Variants in SVIL observed in about 807,000 individuals in gnomAD.
SVIL encodes the protein supervillin, also known as archvillin.
Under a neutral mutation model 240.4 loss-of-function variants are expected in SVIL, and 101 were observed. The observed-to-expected ratio is 0.42, with a 90% confidence interval of 0.36 to 0.50. SVIL has a LOEUF of 0.50. Among genes scored for constraint, SVIL ranks in the 20% least tolerant of loss-of-function variants. The probability of loss-of-function intolerance (pLI) is 0.01; values close to 1 mark genes in which losing one functional copy is unlikely to be tolerated. For synonymous variants in SVIL, 999 were observed against 1,100.0 expected (o/e 0.91, Z 1.82); for missense variants, 2,512 against 2,818.7 (o/e 0.89, Z 2.46).
chr10:29,664,691 T>C lies in SVIL; in HGVS notation c.-300-6623A>G, dbSNP rs74989370. Among the ~76,000 whole-genome samples the C allele has an allele frequency of 4.4e-3, 667 of 150,370 alleles. 7 individuals carry two copies. The highest frequency in any genetic ancestry group is 0.012 in the East Asian group (62 of 5,102). On this transcript the variant is annotated intron_variant, in intron 2 of 35. Transcript: ENST00000375400. The stretch of plus-strand genomic sequence containing the variant: ...TTTCGTAATTTTATATATATATATA[T>C]ACACACACACACACACATGCACACA...
chr10:29,700,468 C>T (rs1384644344), intron 1 of SVIL, among the ~76,000 whole-genome samples: 3 of 113,110 alleles, frequency 2.7e-5, no homozygotes, highest in Admixed American at 1.1e-4. Context: ...TTACTATTTC[C>T]TTTTTTTTTT....
chr10:29,473,677 C>A, intron 30 of SVIL, 161 bp downstream of exon 30: 1 of 854,300 alleles, frequency 1.2e-6, no homozygotes, highest in East Asian at 2.7e-5. Flanking sequence ...ATGGGAGGCA[C>A]AGCCTGAGAC....
intron 3 of SVIL, chr10:29,657,901 T>A (rs1460814934): frequency 6.6e-6 from 1 of 152,192 alleles, no homozygotes; most frequent in Admixed American, 6.5e-5. Context: ...TAATCTCTTC[T>A]AACAGTGCAA....
chr10:29,688,479 G>C (rs1246228369), intron 1 of SVIL, among the ~76,000 whole-genome samples: 1 of 152,198 alleles, frequency 6.6e-6, no homozygotes, highest in South Asian at 2.1e-4. Context: ...CCCTGGGATC[G>C]CTATTTGCCC....
upstream of SVIL, among the ~76,000 whole-genome samples, chr10:29,635,512 T>C (rs1025107118): frequency 6.6e-6 from 1 of 152,190 alleles, no homozygotes; most frequent in African/African-American, 2.4e-5. Flanking sequence ...ACAAATATTT[T>C]CTCTTAAAGC....
rs1210727895 is a variant in SVIL, at chr10:29,694,620, CA to C, written c.-399-7970del. On this transcript the variant is annotated intron_variant, in intron 1 of 35. Coordinates refer to the SVIL transcript ENST00000375400. ...GATTACAGGTGTGTGCCATCATATC[CA>C]GCTAATTTTTGTATTTTCAGTAGAG... 5.9e-5 allele frequency among the ~76,000 whole-genome samples: 9 copies of C among 152,224 alleles called. 1 individual carries two copies. The highest frequency in any genetic ancestry group is 1.9e-4 in the African/African-American group (8 of 41,558).
chr10:29,640,652 A>G (rs923879636), intron 3 of SVIL, among the ~76,000 whole-genome samples: 22 of 152,098 alleles, frequency 1.4e-4, no homozygotes, highest in African/African-American at 4.6e-4. Context: ...CAACCTCCCC[A>G]TCGGCAACTT....
chr10:29,673,259 C>T (rs1406082647), intron 2 of SVIL, among the ~76,000 whole-genome samples: 1 of 152,062 alleles, frequency 6.6e-6, no homozygotes, highest in Non-Finnish European at 1.5e-5. Context: ...TAAATCTACA[C>T]TAGAAATATT....
intron 1 of SVIL, among the ~76,000 whole-genome samples, chr10:29,622,604 G>A (rs1957705373): frequency 6.6e-6 from 1 of 152,120 alleles, no homozygotes; most frequent in South Asian, 2.1e-4. Flanking sequence ...TCACAGCCCT[G>A]GTTCCCAGAG....
intron 12 of SVIL, among the ~76,000 whole-genome samples, chr10:29,528,590 T>C (rs1951107248): frequency 6.6e-6 from 1 of 151,618 alleles, no homozygotes; most frequent in African/African-American, 2.4e-5. Flanking sequence ...AATACAAAAA[T>C]TAGCCAGGTG....
intron 3 of SVIL, among the ~76,000 whole-genome samples, chr10:29,648,217 C>T (rs1299928064): frequency 1.3e-5 from 2 of 152,152 alleles, no homozygotes; most frequent in Non-Finnish European, 2.9e-5. Context: ...GTTACTTGTA[C>T]GTTTGCCCCT....
chr10:29,557,327 G>C (rs1344570109), intron 3 of SVIL, among the ~76,000 whole-genome samples: 1 of 152,082 alleles, frequency 6.6e-6, no homozygotes, highest in African/African-American at 2.4e-5. Flanking sequence ...TGAACTCCTA[G>C]GCTCAAGGGA....
intron 18 of SVIL, among the ~76,000 whole-genome samples, chr10:29,498,710 G>T (rs77264443): frequency 0.037 from 5,699 of 152,236 alleles, 365 homozygotes; most frequent in African/African-American, 0.13. Context: ...GCTGGGCATG[G>T]TGTCTCAAGC....
chr10:29,614,674 T>C (rs774247904), intron 1 of SVIL, among the ~76,000 whole-genome samples: 2 of 151,986 alleles, frequency 1.3e-5, no homozygotes, highest in Admixed American at 6.6e-5. Flanking sequence ...GATGGGGGCA[T>C]AGGGGAGGGA....
chr10:29,499,052 G>A (rs1948675112), intron 18 of SVIL, 64 bp downstream of exon 18: 2 of 1,576,534 alleles, frequency 1.3e-6, no homozygotes, highest in Admixed American at 3.6e-5. Context: ...TGCCCTCCAT[G>A]GGTAAGTGTG....
chr10:29,644,908 GTC>G (rs1209433979), intron 3 of SVIL, among the ~76,000 whole-genome samples: 1 of 151,924 alleles, frequency 6.6e-6, no homozygotes, highest in African/African-American at 2.4e-5. Flanking sequence ...TCTGACAGGA[GTC>G]AGCCTGTGGG....
At chr10:29,687,179 CT>C (rs1478078459) in intron 1 of SVIL, among the ~76,000 whole-genome samples, 1 of 152,196 alleles carries the variant, frequency 6.6e-6, no homozygotes, top group Non-Finnish European at 1.5e-5. Flanking sequence ...CTAAGTCTAG[CT>C]CTTAAAACTA....
chr10:29,528,343 C>T (rs1195175867), intron 12 of SVIL, among the ~76,000 whole-genome samples: 1 of 152,080 alleles, frequency 6.6e-6, no homozygotes, highest in African/African-American at 2.4e-5. Context: ...GACATAGAGG[C>T]CTTTTGGGAT....
chr10:29,530,576 A>G (rs1951286679), intron 11 of SVIL, 31 bp downstream of exon 11: 2 of 1,613,264 alleles, frequency 1.2e-6, no homozygotes, highest in Admixed American at 1.7e-5. Flanking sequence ...CCCAGTAGGG[A>G]TCTCTATTCA....
Sources: gnomAD v4.1 joint callset for allele counts (sites outside exome capture counted in the v4.1 genomes callset) on GRCh38, gnomAD v4.1.1 for gene constraint, MANE v1.5 for transcripts, NCBI Gene and HGNC (gene_info 2026-07-23, HGNC 2026-07-21) for gene names.